Variants in RANBP17 observed in about 807,000 individuals in gnomAD.
RANBP17 encodes the protein ran-binding protein 17.
A neutral mutation model predicts 141.2 loss-of-function variants in RANBP17; 158 were observed. The ratio of observed to expected loss-of-function variants is 1.12; its 90% confidence interval spans 0.98 to 1.28. The LOEUF (loss-of-function observed/expected upper bound fraction) is 1.28, where lower values mean the gene tolerates loss of function less well. Ranked by LOEUF, RANBP17 falls within the 50% of genes most tolerant of loss-of-function variation. RANBP17 has a pLI of 0.00. For missense variants in RANBP17, 1,438 were observed against 1,290.7 expected, an observed-to-expected ratio of 1.11 and a Z score of -1.75; for synonymous variants, 430 against 450.0, an observed-to-expected ratio of 0.96 and a Z score of 0.56.
At chr5:170,928,864 C>G (rs1447225404) in intron 12 of RANBP17, among the ~76,000 whole-genome samples, 1 of 151,344 alleles carries the variant, frequency 6.6e-6, no homozygotes, top group East Asian at 1.9e-4. Flanking sequence ...AAAGTAGGTG[C>G]TAGCATTTTG....
intron 14 of RANBP17, among the ~76,000 whole-genome samples, chr5:171,109,916 A>G (rs567532030): frequency 1.3e-4 from 20 of 152,298 alleles, no homozygotes; most frequent in African/African-American, 4.6e-4. Context: ...GAGTTTTAAT[A>G]ACTTGGGAAA....
intron 1 of RANBP17, among the ~76,000 whole-genome samples, chr5:170,875,775 A>G (rs1379335184): frequency 3.9e-5 from 6 of 152,068 alleles, no homozygotes; most frequent in African/African-American, 9.7e-5. Flanking sequence ...CCTCTGTCCA[A>G]TTCTCTGCCC....
At chr5:171,199,646 G>A in intron 18 of RANBP17, 24 bp from the exon 19 acceptor site, 2 of 1,427,382 alleles carry the variant, frequency 1.4e-6, no homozygotes, top group Non-Finnish European at 2.0e-6. Flanking sequence ...TTAAACCGTA[G>A]TGACCCTTTT....
intron 14 of RANBP17, among the ~76,000 whole-genome samples, chr5:171,066,523 G>A (rs1192805985): frequency 6.6e-6 from 1 of 152,146 alleles, no homozygotes; most frequent in Non-Finnish European, 1.5e-5. Context: ...AGGCTGAATA[G>A]CATTCCACTG....
chr5:171,053,910 TA>T lies in RANBP17; in HGVS notation c.1710+85534del, dbSNP rs1561596549. Among the ~76,000 whole-genome samples the T allele has an allele frequency of 9.1e-4, 123 of 135,592 alleles. 3 individuals carry two copies. Among genetic ancestry groups the T allele is most frequent in the South Asian group, 2.5e-3 (11 of 4,330 alleles). 89.0% of individuals were successfully genotyped at this position (135,592 alleles called of 152,430 possible). A position where few individuals can be genotyped will look rare whatever the true frequency, so the allele number is the denominator to read the frequency against. On this transcript the variant is annotated intron_variant, in intron 14 of 27. Coordinates refer to ENST00000523189, the MANE Select transcript of RANBP17 (RefSeq NM_022897.5). ...ATATATATATATATATATATATATA[TA>T]TATATATATATATAATTGCTGTATT...
intron 12 of RANBP17, among the ~76,000 whole-genome samples, chr5:170,934,786 G>A (rs1773719589): frequency 6.6e-6 from 1 of 152,052 alleles, no homozygotes; most frequent in South Asian, 2.1e-4. Context: ...ATGTGTCTTG[G>A]AGTTGCTCTT....
intron 1 of RANBP17, among the ~76,000 whole-genome samples, chr5:170,872,221 G>A (rs1405794741): frequency 1.3e-5 from 2 of 152,084 alleles, no homozygotes; most frequent in African/African-American, 4.8e-5. Context: ...TCTTCTTGAA[G>A]AAGTCCCTCA....
At chr5:171,219,447 G>A (rs1255656647) in intron 21 of RANBP17, among the ~76,000 whole-genome samples, 1 of 152,112 alleles carries the variant, frequency 6.6e-6, no homozygotes, top group African/African-American at 2.4e-5. Context: ...GTCTTGCTAG[G>A]TTGGGGAAGT....
At chr5:171,139,102 A>G (rs1757519404) in intron 14 of RANBP17, among the ~76,000 whole-genome samples, 1 of 152,272 alleles carries the variant, frequency 6.6e-6, no homozygotes, top group South Asian at 2.1e-4. Context: ...AGAAAAAAGA[A>G]AAATAATAAA....
At chr5:171,032,433 A>G (rs754836468) in intron 14 of RANBP17, among the ~76,000 whole-genome samples, 4 of 152,190 alleles carry the variant, frequency 2.6e-5, no homozygotes, top group Non-Finnish European at 5.9e-5. Flanking sequence ...ATTAAAATCA[A>G]TGGTTTTCTT....
chr5:170,977,684 G>A (rs1007226045), intron 14 of RANBP17, among the ~76,000 whole-genome samples: 2 of 152,068 alleles, frequency 1.3e-5, no homozygotes, highest in Non-Finnish European at 2.9e-5. Context: ...AGTACTGATA[G>A]ATGCCGTAAC....
intron 14 of RANBP17, among the ~76,000 whole-genome samples, chr5:171,075,156 T>C (rs943103762): frequency 1.6e-4 from 25 of 152,148 alleles, no homozygotes; most frequent in African/African-American, 6.0e-4. Flanking sequence ...TTGCCAAAAA[T>C]GAAATTTAGC....
intron 3 of RANBP17, among the ~76,000 whole-genome samples, chr5:170,883,737 T>C (rs1297026149): frequency 6.6e-6 from 1 of 152,196 alleles, no homozygotes; most frequent in Non-Finnish European, 1.5e-5. Context: ...TTCTTTCACT[T>C]AGTAATATGC....
intron 24 of RANBP17, among the ~76,000 whole-genome samples, chr5:171,247,281 C>T (rs1000161643): frequency 6.6e-6 from 1 of 152,116 alleles, no homozygotes; most frequent in African/African-American, 2.4e-5. Flanking sequence ...TATCTTCAGC[C>T]TCTTGTATTG....
At chr5:171,175,956 C>T (rs1760451878) in intron 16 of RANBP17, among the ~76,000 whole-genome samples, 1 of 152,136 alleles carries the variant, frequency 6.6e-6, no homozygotes, top group African/African-American at 2.4e-5. Context: ...TTAAGAATTT[C>T]AAGACCTCAA....
At chr5:171,131,150 T>G (rs1238691181) in intron 14 of RANBP17, among the ~76,000 whole-genome samples, 3 of 152,230 alleles carry the variant, frequency 2.0e-5, no homozygotes, top group Non-Finnish European at 4.4e-5. Context: ...ATAGTAATAT[T>G]TAACTCACAA....
In RANBP17 at chr5:170,904,021, G is replaced by A. The variant is rs1770876473; in HGVS notation, c.490-5640G>A. On this transcript the variant is annotated intron_variant, in intron 5 of 27. Coordinates refer to ENST00000523189, the MANE Select transcript of RANBP17 (RefSeq NM_022897.5). ...GATCAGATGTTTTCAAATGCCTTTA[G>A]TAAAGATCACCAGCTGCTTCAGGCA... is the stretch of plus-strand genomic sequence containing the variant. 5 of 475,536 alleles carry A rather than the reference G, an allele frequency of 1.1e-5. No homozygotes were observed. In the Admixed American group the frequency reaches 1.2e-4, roughly 11 times the overall value. 29.5% of individuals were successfully genotyped at this position (475,536 alleles called of 1,614,324 possible).
At chr5:171,278,085 A>G (rs1361824981) in intron 25 of RANBP17, among the ~76,000 whole-genome samples, 4 of 151,196 alleles carry the variant, frequency 2.6e-5, no homozygotes, top group African/African-American at 2.4e-5. Context: ...TGCCAGGCAC[A>G]GTGGCTCATG....
intron 14 of RANBP17, among the ~76,000 whole-genome samples, chr5:171,062,470 T>C (rs1165948520): frequency 1.3e-5 from 2 of 152,082 alleles, no homozygotes; most frequent in Non-Finnish European, 2.9e-5. Flanking sequence ...GTTTCTTTAA[T>C]ATGGTTGAAT....
Sources: gnomAD v4.1 joint callset for allele counts (sites outside exome capture counted in the v4.1 genomes callset) on GRCh38, gnomAD v4.1.1 for gene constraint, MANE v1.5 for transcripts, NCBI Gene and HGNC (gene_info 2026-07-23, HGNC 2026-07-21) for gene names.